COA8: variants seen among roughly 807,000 people sequenced by gnomAD.
COA8 encodes the protein cytochrome c oxidase assembly factor 8, also known as UPF0671 protein C14orf153.
Under a neutral mutation model 22.0 loss-of-function variants are expected in COA8, and 20 were observed. The observed-to-expected ratio is 0.91, with a 90% CI of 0.64 to 1.32. The LOEUF (loss-of-function observed/expected upper bound fraction) is 1.32. Ranked by LOEUF, COA8 falls within the 40% of genes most tolerant of loss-of-function variation. The probability of loss-of-function intolerance (pLI) is 0.00; values close to 1 mark genes in which losing one functional copy is unlikely to be tolerated. For synonymous variants in COA8, 105 were observed against 79.9 expected (o/e 1.31, Z -1.68); for missense variants, 266 against 230.0 (o/e 1.16, Z -1.01).
intron 3 of COA8, among the ~76,000 whole-genome samples, chr14:103,579,822 A>T (rs1200655932): frequency 2.0e-5 from 3 of 151,110 alleles, no homozygotes; most frequent in Non-Finnish European, 4.4e-5. Flanking sequence ...ACTTAGCTGG[A>T]CGTGGTGGCG....
At chr14:103,564,828 G>T (rs1319539699) in intron 1 of COA8, among the ~76,000 whole-genome samples, 1 of 152,046 alleles carries the variant, frequency 6.6e-6, no homozygotes, top group South Asian at 2.1e-4. Flanking sequence ...TGATGCGCCT[G>T]CCTGGGCCTC....
At chr14:103,566,680 G>A (rs369298573) in intron 1 of COA8, among the ~76,000 whole-genome samples, 1 of 152,218 alleles carries the variant, frequency 6.6e-6, no homozygotes, top group East Asian at 1.9e-4. Context: ...TGCCTCCCTG[G>A]TGCCTAGAGC....
At position 103,590,434 on chromosome 14, in the gene COA8, G is replaced by T; in HGVS notation, c.*148G>T. 1 of 669,778 alleles carries T rather than the reference G, an allele frequency of 1.5e-6. No homozygotes were observed. The allele number at this position is 669,778 out of a possible 1,614,324, so 41.5% of individuals were successfully genotyped here. A position where few individuals can be genotyped will look rare whatever the true frequency, so the allele number is the denominator to read the frequency against. On this transcript the variant is annotated 3_prime_UTR_variant, in exon 5 of 5. Transcript: ENST00000409074. Reference sequence around the variant, plus strand: ...CATGGCCTGTTTGGGGGCAGGGTAGGTCCTGGGGCACTGTGGGCCGCCTGC... The same window carrying T: ...CATGGCCTGTTTGGGGGCAGGGTAGTTCCTGGGGCACTGTGGGCCGCCTGC...
At chr14:103,568,890 C>T (rs527380258) in intron 1 of COA8, among the ~76,000 whole-genome samples, 1 of 152,190 alleles carries the variant, frequency 6.6e-6, no homozygotes, top group African/African-American at 2.4e-5. Flanking sequence ...CTTCGGCTTC[C>T]CAAAGTGCTG....
intron 3 of COA8, among the ~76,000 whole-genome samples, chr14:103,577,090 G>T (rs969030114): frequency 6.6e-6 from 1 of 152,070 alleles, no homozygotes; most frequent in Non-Finnish European, 1.5e-5. Context: ...TTATTTTTTT[G>T]AGATGGAGTC....
chr14:103,566,417 C>T (rs1228901699), intron 1 of COA8, among the ~76,000 whole-genome samples: 1 of 151,972 alleles, frequency 6.6e-6, no homozygotes, highest in African/African-American at 2.4e-5. Context: ...AAGACTCATT[C>T]TCAAAAAGAA....
In COA8 at chr14:103,581,279, A is replaced by G. The variant is rs2076265554; in HGVS notation, c.386-5995A>G. 6.6e-6 allele frequency among the ~76,000 whole-genome samples: 1 copy of G among 152,184 alleles called. No individual in the cohort carries two copies. The highest frequency in any genetic ancestry group is 1.5e-5 in the Non-Finnish European group (1 of 68,030). On this transcript the variant is annotated intron_variant, in intron 3 of 4. Coordinates refer to ENST00000409074, the MANE Select transcript of COA8 (RefSeq NM_001370595.2). The surrounding 1 kb of genome is among the most constrained non-coding windows in gnomAD (Gnocchi z 4.1). ...CTAATAAAATAGAACAAGTGTAACA[A>G]TATGCCAGCATCTCTAATCTTGTAT...
chr14:103,579,733 C>T (rs934725710), intron 3 of COA8, among the ~76,000 whole-genome samples: 5 of 150,996 alleles, frequency 3.3e-5, no homozygotes, highest in African/African-American at 9.7e-5. Flanking sequence ...GAGGCTGAGG[C>T]GGGCAGATCA....
chr14:103,574,036 G>A, intron 2 of COA8, 71 bp from the exon 3 acceptor site: 1 of 1,446,804 alleles, frequency 6.9e-7, no homozygotes, highest in Middle Eastern at 2.6e-4. Flanking sequence ...CTGTGCTCTA[G>A]CCAAAGAAAA....
chr14:103,583,541 CAAA>C (rs35726464), intron 3 of COA8, among the ~76,000 whole-genome samples: 11 of 53,082 alleles, frequency 2.1e-4, no homozygotes, highest in African/African-American at 3.8e-4. Context: ...GACTCGATCT[CAAA>C]AAAAAAAAAA....
At position 103,574,050 on chromosome 14, in the gene COA8, G is replaced by A. The variant is rs1353497550; in HGVS notation, c.322-57G>A. On this transcript the variant is annotated intron_variant, in intron 2 of 4. Coordinates refer to ENST00000409074, the MANE Select transcript of COA8 (RefSeq NM_001370595.2). ...GCTGTGCTCTAGCCAAAGAAAAATGGAAAGACAGAGAAAGGAGTTCTGAGA... is the reference window on the plus strand; with the variant it reads ...GCTGTGCTCTAGCCAAAGAAAAATGAAAAGACAGAGAAAGGAGTTCTGAGA... 2.8e-6 allele frequency: 4 copies of A among 1,452,854 alleles called. No individual in the cohort carries two copies. In the East Asian group the frequency reaches 1.0e-4, roughly 38 times the overall value. 90.0% of individuals were successfully genotyped at this position (1,452,854 alleles called of 1,614,324 possible).
At chr14:103,573,876 C>T (rs1026644859) in intron 2 of COA8, among the ~76,000 whole-genome samples, 1 of 152,100 alleles carries the variant, frequency 6.6e-6, no homozygotes, top group African/African-American at 2.4e-5. Flanking sequence ...TATAAACAAA[C>T]AGCGTCTCCC....
intron 3 of COA8, among the ~76,000 whole-genome samples, chr14:103,585,446 T>C (rs534834721): frequency 7.0e-5 from 10 of 142,720 alleles, no homozygotes; most frequent in South Asian, 6.9e-4. Context: ...ACCATTGCAC[T>C]CCAGCCTGGG....
chr14:103,580,842 G>A (rs2076262706), intron 3 of COA8, among the ~76,000 whole-genome samples: 1 of 148,398 alleles, frequency 6.7e-6, no homozygotes, highest in Non-Finnish European at 1.5e-5. Context: ...TGTTGCCCAG[G>A]CTGGAGTGCA....
At chr14:103,587,020 G>T (rs1232002307) in intron 3 of COA8, among the ~76,000 whole-genome samples, 1 of 152,082 alleles carries the variant, frequency 6.6e-6, no homozygotes, top group Non-Finnish European at 1.5e-5. Context: ...GTATTTTTCA[G>T]TGTACACATC....
intron 1 of COA8, among the ~76,000 whole-genome samples, chr14:103,568,476 CATATATACACACAT>C (rs767851368): frequency 8.6e-5 from 13 of 151,368 alleles, no homozygotes; most frequent in East Asian, 3.9e-4. Context: ...TACACACACA[CATATATACACACAT>C]ATATATACAC....
In COA8 at chr14:103,574,184, TTTGA is replaced by T; in HGVS notation, c.385+18_385+21del. On this transcript the variant is annotated intron_variant, in intron 3 of 4. Coordinates refer to ENST00000409074, the MANE Select transcript of COA8 (RefSeq NM_001370595.2). ...GAACTGAATCAGGTTAGTGTGTTTG[TTTGA>T]TTGTTTTTTTTGCTTTCTTTGCGTT... The T allele has an allele frequency of 2.5e-6, 4 of 1,612,758 alleles. No homozygotes were observed. Among genetic ancestry groups the T allele is most frequent in the Non-Finnish European group, 3.4e-6 (4 of 1,179,522 alleles).
At chr14:103,576,313 T>TA (rs968255067) in intron 3 of COA8, among the ~76,000 whole-genome samples, 13 of 144,538 alleles carry the variant, frequency 9.0e-5, no homozygotes, top group African/African-American at 3.2e-4. Flanking sequence ...CTCAAAAAAA[T>TA]AAAAAAAGAA....
intron 3 of COA8, among the ~76,000 whole-genome samples, chr14:103,585,873 C>T (rs903394635): frequency 1.3e-5 from 2 of 151,078 alleles, no homozygotes; most frequent in Non-Finnish European, 3.0e-5. Flanking sequence ...CATGCCCGGC[C>T]CGGCCCTTTT....
Sources: gnomAD v4.1 joint callset for allele counts (sites outside exome capture counted in the v4.1 genomes callset) on GRCh38, gnomAD v4.1.1 for gene constraint, Gnocchi (gnomAD v3.1) non-coding constraint, MANE v1.5 for transcripts, NCBI Gene and HGNC (gene_info 2026-07-23, HGNC 2026-07-21) for gene names.